SLC35A3: variants seen among roughly 807,000 people sequenced by gnomAD.
The protein encoded by SLC35A3 is UDP-N-acetylglucosamine transporter.
In SLC35A3, 26 loss-of-function variants were observed where a neutral mutation model predicts 39.0. The ratio of observed to expected loss-of-function variants is 0.67; its 90% CI spans 0.49 to 0.92. The LOEUF is 0.92. Among genes scored for constraint, SLC35A3 ranks in the 40% least tolerant of loss-of-function variants. The pLI, the probability that SLC35A3 is intolerant of heterozygous loss-of-function variation, is 0.00. For missense variants in SLC35A3, 299 were observed against 371.6 expected (o/e 0.80, Z 1.61); for synonymous variants, 135 against 133.1 (o/e 1.01, Z -0.10).
At chr1:99,998,329 AAAATTTTTTTTTGAGACAG>A (rs1658544599) in intron 2 of SLC35A3, among the ~76,000 whole-genome samples, 1 of 151,998 alleles carries the variant, frequency 6.6e-6, no homozygotes, top group Non-Finnish European at 1.5e-5. Flanking sequence ...TAGTTAAAAA[AAAATTTTTTTTTGAGACAG>A]GTTCTCATTA....
At position 100,035,374 on chromosome 1, in the gene SLC35A3, A is replaced by G. The variant is rs150681366; in HGVS notation, c.*12898A>G. ...AAATCACATACAAAGCGACAAGTTC[A>G]TACACAATAGGCCTATTAGAACAGG... On this transcript the variant is annotated 3_prime_UTR_variant, in exon 8 of 8. Transcript: ENST00000533028. 8.5e-4 allele frequency: 129 copies of G among 152,340 alleles called. 1 individual carries two copies. In the East Asian group the frequency reaches 0.024, roughly 28 times the overall value. 9.4% of individuals were successfully genotyped at this position (152,340 alleles called of 1,614,324 possible). A position where few individuals can be genotyped will look rare whatever the true frequency, so the allele number is the denominator to read the frequency against.
chr1:100,015,157 C>CAAAAA (rs760381564), intron 5 of SLC35A3, 145 bp from the exon 6 acceptor site: 69 of 454,224 alleles, frequency 1.5e-4, no homozygotes, highest in Admixed American at 3.9e-4. Context: ...GACTCCGTCT[C>CAAAAA]AAAAAAAAAA....
rs1245967041 is a variant in SLC35A3, at chr1:100,029,113, G to C, written c.*6637G>C. 6.6e-6 allele frequency: 1 copy of C among 152,230 alleles called. No individual in the cohort carries two copies. The highest frequency in any genetic ancestry group is 1.5e-5 in the Non-Finnish European group (1 of 68,070). 9.4% of individuals were successfully genotyped at this position (152,230 alleles called of 1,614,324 possible). A position where few individuals can be genotyped will look rare whatever the true frequency, so the allele number is the denominator to read the frequency against. The stretch of plus-strand genomic sequence containing the variant: ...GAGGCTCTATTAGTTGGCATGGTTG[G>C]TTGATTTTTTTGCCCATGTAGTTGT... On this transcript the variant is annotated 3_prime_UTR_variant, in exon 8 of 8. Coordinates refer to ENST00000533028, the MANE Select transcript of SLC35A3 (RefSeq NM_012243.3).
At position 100,027,884 on chromosome 1, in the gene SLC35A3, C is replaced by T. The variant is rs904023419; in HGVS notation, c.*5408C>T. On this transcript the variant is annotated 3_prime_UTR_variant, in exon 8 of 8. Coordinates refer to ENST00000533028, the MANE Select transcript of SLC35A3 (RefSeq NM_012243.3). ...TTTGTTGGAAATATATCACAATCCTCAAGTTCCACTGCTATGCAAAAGTAT... is the reference window on the plus strand; with the variant it reads ...TTTGTTGGAAATATATCACAATCCTTAAGTTCCACTGCTATGCAAAAGTAT... 9.3e-5 allele frequency: 14 copies of T among 150,376 alleles called. No individual in the cohort carries two copies. Among genetic ancestry groups the T allele is most frequent in the African/African-American group, 3.4e-4 (14 of 40,918 alleles). 9.3% of individuals were successfully genotyped at this position (150,376 alleles called of 1,614,324 possible). A position where few individuals can be genotyped will look rare whatever the true frequency, so the allele number is the denominator to read the frequency against.
chr1:99,993,831 G>T, intron 2 of SLC35A3, 90 bp downstream of exon 2: 2 of 1,127,460 alleles, frequency 1.8e-6, no homozygotes, highest in Non-Finnish European at 2.6e-6. Context: ...CTCTTGCATT[G>T]TCGAATGGCC....
Position 99,970,015 on chromosome 1 carries a change from C to G in SLC35A3, c.-166C>G, listed in dbSNP as rs1020048410. On this transcript the variant is annotated 5_prime_UTR_variant, in exon 1 of 8. Coordinates refer to ENST00000533028, the MANE Select transcript of SLC35A3 (RefSeq NM_012243.3). ...GAACCCGGAAACGCCTGGGCTGCAC[C>G]GAGCTGGCGGTGGCTACGGCGACGG... 1 of 153,230 alleles carries G rather than the reference C, an allele frequency of 6.5e-6. No individual in the cohort carries two copies. Among genetic ancestry groups the G allele is most frequent in the Non-Finnish European group, 1.5e-5 (1 of 68,794 alleles). 9.5% of individuals were successfully genotyped at this position (153,230 alleles called of 1,614,324 possible). A position where few individuals can be genotyped will look rare whatever the true frequency, so the allele number is the denominator to read the frequency against.
chr1:100,012,546 G>A (rs935069232), intron 5 of SLC35A3, among the ~76,000 whole-genome samples: 4 of 152,054 alleles, frequency 2.6e-5, no homozygotes, highest in East Asian at 1.9e-4. Context: ...CAATGTAATA[G>A]CATTTTTCAA....
chr1:99,997,410 T>TTATATATATATATATATATA (rs71970416), intron 2 of SLC35A3, among the ~76,000 whole-genome samples: 6 of 92,096 alleles, frequency 6.5e-5, no homozygotes, highest in African/African-American at 2.1e-4. Context: ...ATATATAGTT[T>TTATATATATATATATATATA]TATATATATA....
At chr1:99,976,250 C>T (rs879278492) in intron 1 of SLC35A3, among the ~76,000 whole-genome samples, 3 of 152,074 alleles carry the variant, frequency 2.0e-5, no homozygotes, top group Non-Finnish European at 2.9e-5. Context: ...TTTATATTCT[C>T]TGTAGCTTAA....
chr1:99,997,284 T>G (rs1264180165), intron 2 of SLC35A3, among the ~76,000 whole-genome samples: 2 of 151,430 alleles, frequency 1.3e-5, no homozygotes, highest in African/African-American at 4.9e-5. Flanking sequence ...TTTTGCTGCC[T>G]GAAACAAGAA....
chr1:100,034,158 G>A lies in SLC35A3; in HGVS notation c.*11682G>A, dbSNP rs1661385313. On this transcript the variant is annotated 3_prime_UTR_variant, in exon 8 of 8. Transcript: ENST00000533028. Reference sequence around the variant, plus strand: ...TTTTGGAAATGACATTTTGTTTGTTGTTTTTTACCTAGAGACCCAGATAAT... The same window carrying A: ...TTTTGGAAATGACATTTTGTTTGTTATTTTTTACCTAGAGACCCAGATAAT... 6.6e-6 allele frequency: 1 copy of A among 151,936 alleles called. No homozygotes were observed. Among genetic ancestry groups the A allele is most frequent in the Non-Finnish European group, 1.5e-5 (1 of 67,950 alleles). 9.4% of individuals were successfully genotyped at this position (151,936 alleles called of 1,614,324 possible). A position where few individuals can be genotyped will look rare whatever the true frequency, so the allele number is the denominator to read the frequency against.
Position 100,028,599 on chromosome 1 carries a change from AT to A in SLC35A3, c.*6125del, listed in dbSNP as rs1557854637. On this transcript the variant is annotated 3_prime_UTR_variant, in exon 8 of 8. Transcript: ENST00000533028. ...TGCCTTGGCCTCCCAAAGTGTTGGG[AT>A]TACAGGCGTGAGCGACCACACCCAG... 1 of 152,246 alleles carries A rather than the reference AT, an allele frequency of 6.6e-6. No individual in the cohort carries two copies. The highest frequency in any genetic ancestry group is 1.5e-5 in the Non-Finnish European group (1 of 68,184). The allele number at this position is 152,246 out of a possible 1,614,324, so 9.4% of individuals were successfully genotyped here.
chr1:99,999,800 C>T (rs752469552), intron 3 of SLC35A3, among the ~76,000 whole-genome samples: 7 of 151,508 alleles, frequency 4.6e-5, no homozygotes, highest in Non-Finnish European at 7.4e-5. Context: ...TCCATGAGAT[C>T]CCCCCGCTCC....
At chr1:99,999,463 A>G (rs771976307) in intron 3 of SLC35A3, 48 bp downstream of exon 3, 4 of 1,286,044 alleles carry the variant, frequency 3.1e-6, no homozygotes, top group Middle Eastern at 5.3e-4. Flanking sequence ...TTTTTCTTAT[A>G]CATAATAATT....
chr1:100,019,652 G>A (rs1018971700), intron 7 of SLC35A3, among the ~76,000 whole-genome samples: 8 of 151,938 alleles, frequency 5.3e-5, no homozygotes, highest in African/African-American at 1.9e-4. Context: ...TTGTTTGTTT[G>A]TTTGGCTTCT....
At position 100,017,694 on chromosome 1, in the gene SLC35A3, C is replaced by G; in HGVS notation, c.766C>G (p.Leu256Val). The G allele has an allele frequency of 6.5e-7, 1 of 1,545,876 alleles. No individual in the cohort carries two copies. The highest frequency in any genetic ancestry group is 8.7e-7 in the Non-Finnish European group (1 of 1,146,964). ...IVVVLQALGG[L>V]VIAAVIKYAD... ...TTTAAAACTTCAGGCACTTGGAGGC[C>G]TTGTAATAGCTGCTGTTATTAAGTA... Residue 256 changes from leucine (L) to valine (V), a missense_variant, in exon 7 of 8, where the codon CTT becomes GTT. Physicochemically the swap from Leu to Val is conservative, Grantham distance 32. Coordinates refer to ENST00000533028, the MANE Select transcript of SLC35A3 (RefSeq NM_012243.3).
intron 2 of SLC35A3, among the ~76,000 whole-genome samples, chr1:99,998,095 G>A (rs867430930): frequency 6.6e-6 from 1 of 151,904 alleles, no homozygotes; most frequent in Non-Finnish European, 1.5e-5. Flanking sequence ...CCAGACCACT[G>A]GTTGGCAGCC....
Position 100,003,219 on chromosome 1 carries a change from C to T in SLC35A3, c.342+3804C>T, listed in dbSNP as rs568925311. Among the ~76,000 whole-genome samples, 3 of 151,980 alleles carry T rather than the reference C, an allele frequency of 2.0e-5. No homozygotes were observed. In the East Asian group the frequency reaches 5.8e-4, roughly 29 times the overall value. On this transcript the variant is annotated intron_variant, in intron 3 of 7. Transcript: ENST00000533028. The stretch of plus-strand genomic sequence containing the variant: ...TTACCTGAGGTCAGGAGTTTGAGAC[C>T]AGCCTGGCCAACATGGTGAAACACT...
chr1:100,022,194 A>G (rs1011218646), intron 7 of SLC35A3, among the ~76,000 whole-genome samples, 192 bp from the exon 8 acceptor site: 13 of 152,326 alleles, frequency 8.5e-5, no homozygotes, highest in Non-Finnish European at 1.8e-4. Context: ...TTGCTGTGAC[A>G]ACTCAATGAA....
Sources: allele counts gnomAD v4.1 joint callset (sites outside exome capture counted in the v4.1 genomes callset), GRCh38; gene constraint gnomAD v4.1.1; transcripts MANE v1.5; gene names NCBI Gene and HGNC (gene_info 2026-07-23, HGNC 2026-07-21).